GALNTL6: variants seen among roughly 807,000 people sequenced by gnomAD.
The protein encoded by GALNTL6 is polypeptide N-acetylgalactosaminyltransferase like 6.
In GALNTL6, 46 loss-of-function variants were observed where a neutral mutation model predicts 73.7. The ratio of observed to expected loss-of-function variants is 0.62; its 90% confidence interval spans 0.49 to 0.80. The LOEUF (loss-of-function observed/expected upper bound fraction) is 0.80. GALNTL6 is among the 30% of genes least tolerant of loss of function. The pLI is 0.00. For synonymous variants in GALNTL6, 259 were observed against 263.7 expected (o/e 0.98, Z 0.17); for missense variants, 604 against 755.0 (o/e 0.80, Z 2.34).
At chr4:172,349,905 G>A (rs190256698) in intron 5 of GALNTL6, among the ~76,000 whole-genome samples, 98 of 151,098 alleles carry the variant, frequency 6.5e-4, no homozygotes, top group African/African-American at 2.1e-3. Flanking sequence ...TTTTTGTCTC[G>A]TGTTGCATAG....
At chr4:172,798,349 T>C (rs1327020536) in intron 5 of GALNTL6, among the ~76,000 whole-genome samples, 2 of 152,200 alleles carry the variant, frequency 1.3e-5, no homozygotes, top group African/African-American at 4.8e-5. Flanking sequence ...GGATTTTTCA[T>C]GAATGGTTTA....
intron 2 of GALNTL6, among the ~76,000 whole-genome samples, chr4:171,968,407 G>A (rs1044228945): frequency 6.6e-6 from 1 of 152,124 alleles, no homozygotes; most frequent in Admixed American, 6.6e-5. Context: ...GGAATTGCTC[G>A]TCTTTTAAAC....
At chr4:172,293,951 A>T (rs1256746280) in intron 3 of GALNTL6, among the ~76,000 whole-genome samples, 1 of 151,424 alleles carries the variant, frequency 6.6e-6, no homozygotes, top group Non-Finnish European at 1.5e-5. Flanking sequence ...AAAAGCCATG[A>T]CCATTTCAGG....
intron 5 of GALNTL6, among the ~76,000 whole-genome samples, chr4:172,787,935 T>G (rs1313528268): frequency 6.6e-6 from 1 of 152,118 alleles, no homozygotes; most frequent in Non-Finnish European, 1.5e-5. Context: ...TTCAATAATT[T>G]TAGAGACAAT....
chr4:172,813,060 T>C (rs187983761), intron 6 of GALNTL6, among the ~76,000 whole-genome samples: 1 of 152,308 alleles, frequency 6.6e-6, no homozygotes, highest in East Asian at 1.9e-4. Flanking sequence ...TCAGCATTTA[T>C]AGGGGAGCAG....
Position 173,031,014 on chromosome 4 carries a change from A to AAGAGAG in GALNTL6, c.1639-8900_1639-8895dup, listed in dbSNP as rs10655625. Among the ~76,000 whole-genome samples, 579 of 148,334 alleles carry AAGAGAG rather than the reference A, an allele frequency of 3.9e-3. 3 individuals carry two copies. The highest frequency in any genetic ancestry group is 0.018 in the Middle Eastern group (5 of 282). ...GCAAGATCCTGTCTCAAGAAAAGAA[A>AAGAGAG]AGAGAGAGAGAGAGAGAGAGAGAGC... On this transcript the variant is annotated intron_variant, in intron 12 of 12. Coordinates refer to ENST00000506823, the MANE Select transcript of GALNTL6 (RefSeq NM_001034845.3).
intron 2 of GALNTL6, among the ~76,000 whole-genome samples, chr4:172,098,870 C>G (rs1732430570): frequency 6.6e-6 from 1 of 152,034 alleles, no homozygotes. Flanking sequence ...GGTCAGTACT[C>G]CACCCCCAAA....
intron 5 of GALNTL6, among the ~76,000 whole-genome samples, chr4:172,539,853 A>G (rs1234365482): frequency 1.4e-5 from 2 of 139,464 alleles, no homozygotes; most frequent in Non-Finnish European, 3.0e-5. Context: ...GAGATTTCAT[A>G]TATATATGAT....
At chr4:172,258,764 G>T (rs12505892) in intron 3 of GALNTL6, among the ~76,000 whole-genome samples, 18,962 of 150,890 alleles carry the variant, frequency 0.13, 1,292 homozygotes, top group East Asian at 0.29. Context: ...CATTCCTGTT[G>T]TGTCCCCAAT....
chr4:172,964,609 C>T (rs1266577450), intron 10 of GALNTL6, among the ~76,000 whole-genome samples: 4 of 152,160 alleles, frequency 2.6e-5, no homozygotes, highest in Non-Finnish European at 5.9e-5. Flanking sequence ...TAAATAATTC[C>T]AGTTCTCCTC....
intron 5 of GALNTL6, among the ~76,000 whole-genome samples, chr4:172,469,970 C>A (rs1454681041): frequency 1.3e-5 from 2 of 152,094 alleles, no homozygotes; most frequent in African/African-American, 4.8e-5. Context: ...AGAAATGTAG[C>A]ACAGCTGCAA....
chr4:172,323,146 A>G (rs1223485597), intron 4 of GALNTL6, among the ~76,000 whole-genome samples: 1 of 152,176 alleles, frequency 6.6e-6, no homozygotes, highest in Non-Finnish European at 1.5e-5. Flanking sequence ...TTAGATTACT[A>G]AATGTCAGTT....
At chr4:172,215,690 G>T (rs528357658) in intron 2 of GALNTL6, among the ~76,000 whole-genome samples, 2 of 152,144 alleles carry the variant, frequency 1.3e-5, no homozygotes, top group African/African-American at 4.8e-5. Flanking sequence ...TGATTTAACT[G>T]CTCTATTAAG....
At chr4:172,274,679 G>T (rs1738769051) in intron 3 of GALNTL6, among the ~76,000 whole-genome samples, 1 of 152,158 alleles carries the variant, frequency 6.6e-6, no homozygotes, top group Admixed American at 6.6e-5. Flanking sequence ...AAAGAATACA[G>T]GAGTAGCTAC....
chr4:172,834,046 G>A (rs1319467630), intron 7 of GALNTL6, among the ~76,000 whole-genome samples: 2 of 152,220 alleles, frequency 1.3e-5, no homozygotes, highest in Non-Finnish European at 2.9e-5. Flanking sequence ...GAACCCAGGA[G>A]ACGGAGGTTG....
At chr4:172,406,445 G>T (rs1204298719) in intron 5 of GALNTL6, among the ~76,000 whole-genome samples, 1 of 151,912 alleles carries the variant, frequency 6.6e-6, no homozygotes, top group Non-Finnish European at 1.5e-5. Context: ...ATATATAAAT[G>T]ATGTTTGTAT....
At chr4:172,044,406 G>A (rs1469282037) in intron 2 of GALNTL6, among the ~76,000 whole-genome samples, 1 of 151,820 alleles carries the variant, frequency 6.6e-6, no homozygotes, top group Non-Finnish European at 1.5e-5. Flanking sequence ...TATTTTTGGT[G>A]TTATATTTCC....
intron 5 of GALNTL6, among the ~76,000 whole-genome samples, chr4:172,411,956 G>T (rs1333972749): frequency 2.0e-5 from 3 of 151,962 alleles, no homozygotes; most frequent in African/African-American, 7.2e-5. Flanking sequence ...ACATTACATG[G>T]TGATACTCTT....
chr4:172,031,123 G>A (rs982968087), intron 2 of GALNTL6, among the ~76,000 whole-genome samples: 6 of 152,136 alleles, frequency 3.9e-5, no homozygotes, highest in Non-Finnish European at 7.4e-5. Flanking sequence ...TCCCAGCCAT[G>A]TATCATGATG....
Sources: gnomAD v4.1 joint callset for allele counts (sites outside exome capture counted in the v4.1 genomes callset) on GRCh38, gnomAD v4.1.1 for gene constraint, MANE v1.5 for transcripts, NCBI Gene and HGNC (gene_info 2026-07-23, HGNC 2026-07-21) for gene names.